The following UGT2B11 variants were observed in gnomAD, a reference collection of about 807,000 sequenced individuals.
The protein encoded by UGT2B11 is UDP-glucuronosyltransferase 2B11.
Under a neutral mutation model 51.7 loss-of-function variants are expected in UGT2B11, and 49 were observed. That is an observed-to-expected ratio of 0.95 (90% CI 0.75 to 1.20). UGT2B11 has a LOEUF of 1.20. Among genes scored for constraint, UGT2B11 ranks in the 50% most tolerant of loss-of-function variants. The pLI is 0.00. For synonymous variants in UGT2B11, 273 were observed against 209.0 expected (o/e 1.31, Z -2.64); for missense variants, 810 against 622.1 (o/e 1.30, Z -3.21).
At position 69,214,335 on chromosome 4, in the gene UGT2B11, C is replaced by G. The variant is rs746332884; in HGVS notation, c.388G>C (p.Val130Leu). Residue 130 changes from valine (V) to leucine (L), a missense_variant, in exon 1 of 6, where the codon GTA becomes CTA. Val to Leu is a conservative substitution (Grantham distance 32, BLOSUM62 1). Transcript: ENST00000446444. ...TTCATAACTTTCTTATTTGAAACTA[C>G]ATCTTTACAGAAGTTTCTAAATATG... The part of the protein sequence containing the change: ...YDIFRNFCKD[V>L]VSNKKVMKKL... 1.9e-6 allele frequency: 3 copies of G among 1,612,874 alleles called. No individual in the cohort carries two copies. Among genetic ancestry groups the G allele is most frequent in the African/African-American group, 2.7e-5 (2 of 74,822 alleles).
the UGT2B11 span, among the ~76,000 whole-genome samples, chr4:69,220,861 G>C: frequency 2.0e-5 from 3 of 152,104 alleles, no homozygotes; most frequent in African/African-American, 7.2e-5. Context: ...CTCCGATTTT[G>C]AAGGACTACC....
intron 3 of UGT2B11, among the ~76,000 whole-genome samples, 176 bp downstream of exon 3, chr4:69,208,175 A>G (rs1199815488): frequency 6.6e-6 from 1 of 151,572 alleles, no homozygotes; most frequent in Non-Finnish European, 1.5e-5. Flanking sequence ...GCCACATGTA[A>G]CCACTAAGTC....
chr4:69,209,503 A>G (rs867303259), intron 2 of UGT2B11, among the ~76,000 whole-genome samples: 8 of 151,786 alleles, frequency 5.3e-5, no homozygotes, highest in East Asian at 1.9e-4. Flanking sequence ...AATGTATACC[A>G]ATATTTAAAT....
chr4:69,214,317 C>A lies in UGT2B11; in HGVS notation c.406G>T (p.Val136Phe). Reference sequence around the variant, plus strand: ...CTTGACTCTTGTAGTTTTTTCATAACTTTCTTATTTGAAACTACATCTTTA... The same window carrying A: ...CTTGACTCTTGTAGTTTTTTCATAAATTTCTTATTTGAAACTACATCTTTA... The part of the protein sequence containing the change: ...FCKDVVSNKK[V>F]MKKLQESRFD... The change falls in exon 1 of 6, where the codon GTT becomes TTT. Residue 136 changes from valine to phenylalanine, a missense_variant. Physicochemically the swap from Val to Phe is conservative, Grantham distance 50 (BLOSUM62 -1). Coordinates refer to ENST00000446444, the MANE Select transcript of UGT2B11 (RefSeq NM_001073.3). 1 of 1,613,118 alleles carries A rather than the reference C, an allele frequency of 6.2e-7. No individual in the cohort carries two copies. The highest frequency in any genetic ancestry group is 2.2e-5 in the East Asian group (1 of 44,796).
chr4:69,211,734 C>A (rs1406845046), intron 2 of UGT2B11, among the ~76,000 whole-genome samples: 1 of 151,512 alleles, frequency 6.6e-6, no homozygotes, highest in Non-Finnish European at 1.5e-5. Flanking sequence ...GGAAAGTTTC[C>A]TGAATGGTTA....
chr4:69,204,426 T>C lies in UGT2B11; in HGVS notation c.1310+4A>G. 1 of 1,611,572 alleles carries C rather than the reference T, an allele frequency of 6.2e-7. No individual in the cohort carries two copies. The highest frequency in any genetic ancestry group is 8.5e-7 in the Non-Finnish European group (1 of 1,178,350). On this transcript the variant is annotated splice_donor_region_variant and intron_variant, in intron 5 of 5. Transcript: ENST00000446444. ...CACCTAGTGAAAAACATTGTTCTACTCACAAAGGATCATTAATTACTGTCT... is the reference window on the plus strand; with the variant it reads ...CACCTAGTGAAAAACATTGTTCTACCCACAAAGGATCATTAATTACTGTCT...
chr4:69,223,663 A>G, the UGT2B11 span, among the ~76,000 whole-genome samples: 76 of 152,270 alleles, frequency 5.0e-4, no homozygotes, highest in Admixed American at 9.2e-4. Context: ...CTGAATTAGC[A>G]ACAGGAGGCT....
At chr4:69,224,968 T>TA in the UGT2B11 span, among the ~76,000 whole-genome samples, 3 of 152,298 alleles carry the variant, frequency 2.0e-5, no homozygotes, top group East Asian at 3.9e-4. Flanking sequence ...AATTGTAACT[T>TA]AAGTTTTATC....
At chr4:69,217,780 C>A (rs1229870155), upstream of UGT2B11, among the ~76,000 whole-genome samples, 1 of 151,976 alleles carries the variant, frequency 6.6e-6, no homozygotes, top group South Asian at 2.1e-4. Context: ...TAGAAAAATA[C>A]CATACATTGC....
intron 2 of UGT2B11, among the ~76,000 whole-genome samples, chr4:69,209,229 G>T (rs1721969116): frequency 6.6e-6 from 1 of 151,546 alleles, no homozygotes; most frequent in Admixed American, 6.6e-5. Context: ...GTACCTTTTG[G>T]GTTTTTGTTT....
chr4:69,206,848 A>G (rs1471270217), intron 3 of UGT2B11, among the ~76,000 whole-genome samples: 1 of 151,598 alleles, frequency 6.6e-6, no homozygotes. Flanking sequence ...GTTTAAATGT[A>G]TCTACTTGTC....
intron 5 of UGT2B11, 114 bp from the exon 6 acceptor site, chr4:69,200,833 T>C (rs1483057722): frequency 1.6e-6 from 2 of 1,249,104 alleles, no homozygotes; most frequent in Non-Finnish European, 2.1e-6. Context: ...TGTCAAAGAA[T>C]TGACAGAGAA....
the UGT2B11 span, among the ~76,000 whole-genome samples, chr4:69,221,340 T>A: frequency 6.6e-6 from 1 of 152,290 alleles, no homozygotes; most frequent in Non-Finnish European, 1.5e-5. Context: ...TCTAACAATA[T>A]CCTGTAATCC....
chr4:69,203,072 G>A (rs1721718917), intron 5 of UGT2B11, among the ~76,000 whole-genome samples: 1 of 151,470 alleles, frequency 6.6e-6, no homozygotes, highest in East Asian at 2.0e-4. Context: ...TCATCAAAAA[G>A]TAAAAAGTTA....
the UGT2B11 span, among the ~76,000 whole-genome samples, chr4:69,223,993 C>T: frequency 6.6e-6 from 1 of 152,164 alleles, no homozygotes; most frequent in Admixed American, 6.5e-5. Flanking sequence ...ATGATAATTA[C>T]AGACCTATCT....
intron 2 of UGT2B11, 38 bp from the exon 3 acceptor site, chr4:69,208,520 A>G: frequency 1.9e-6 from 3 of 1,601,384 alleles, no homozygotes; most frequent in Non-Finnish European, 2.6e-6. Flanking sequence ...AAAGAGTATC[A>G]CCACAGCAGG....
chr4:69,213,967 T>C (rs1037266310), intron 1 of UGT2B11, 35 bp downstream of exon 1: 2 of 1,518,374 alleles, frequency 1.3e-6, no homozygotes, highest in Non-Finnish European at 1.8e-6. Context: ...ACAAATAAGT[T>C]AGATCTTCAC....
chr4:69,216,397 T>A (rs530856868), upstream of UGT2B11: 27 of 152,146 alleles, frequency 1.8e-4, no homozygotes, highest in African/African-American at 6.0e-4. Context: ...AAGTTCCTTC[T>A]GAGTAAAAGA....
intron 5 of UGT2B11, among the ~76,000 whole-genome samples, chr4:69,203,921 T>A (rs117979787): frequency 0.048 from 7,209 of 151,684 alleles, 209 homozygotes; most frequent in South Asian, 0.12. Flanking sequence ...TATATAATGG[T>A]GATACTTTAA....
Sources: gnomAD v4.1 joint callset for allele counts (sites outside exome capture counted in the v4.1 genomes callset) on GRCh38, gnomAD v4.1.1 for gene constraint, MANE v1.5 for transcripts, NCBI Gene and HGNC (gene_info 2026-07-23, HGNC 2026-07-21) for gene names.